DLGAP1: variants seen among roughly 807,000 people sequenced by gnomAD.
The protein encoded by DLGAP1 is disks large-associated protein 1.
A neutral mutation model predicts 90.8 loss-of-function variants in DLGAP1; 11 were observed. That is an observed-to-expected ratio of 0.12 (90% CI 0.08 to 0.20). The LOEUF (loss-of-function observed/expected upper bound fraction) is 0.20. Ranked by LOEUF, DLGAP1 falls within the 10% of genes least tolerant of loss-of-function variation. The pLI is 1.00. For synonymous variants in DLGAP1, 558 were observed against 540.7 expected, an observed-to-expected ratio of 1.03 and a Z score of -0.44; for missense variants, 1,050 against 1,333.8, an observed-to-expected ratio of 0.79 and a Z score of 3.31.
rs541595410 is a variant in DLGAP1, at chr18:3,940,271, T to C, written c.-72-60131A>G. Among the ~76,000 whole-genome samples, 6 of 152,324 alleles carry C rather than the reference T, an allele frequency of 3.9e-5. No homozygotes were observed. The South Asian group carries it at 8.3e-4, about 21-fold the overall frequency. On this transcript the variant is annotated intron_variant, in intron 3 of 12. Transcript: ENST00000315677. ...CTCTAGCCCCAGTCAAGTTTACAGA[T>C]GAGTCCTGCCCACATCTTTACTGTA... is the stretch of plus-strand genomic sequence containing the variant.
Position 3,926,885 on chromosome 18 carries a change from G to A in DLGAP1, c.-72-46745C>T, listed in dbSNP as rs1057442608. Among the ~76,000 whole-genome samples, 7 of 152,172 alleles carry A rather than the reference G, an allele frequency of 4.6e-5. No homozygotes were observed. The South Asian group carries it at 1.5e-3, about 32-fold the overall frequency. ...GGCTGGGGCTGGGGCAACATGAGGTGAGCCTGTAACATGTTATGTCAGAAA... is the reference window on the plus strand; with the variant it reads ...GGCTGGGGCTGGGGCAACATGAGGTAAGCCTGTAACATGTTATGTCAGAAA... On this transcript the variant is annotated intron_variant, in intron 3 of 12. Coordinates refer to ENST00000315677, the MANE Select transcript of DLGAP1 (RefSeq NM_004746.4).
chr18:3,541,723 C>A (rs1310963955), intron 9 of DLGAP1, among the ~76,000 whole-genome samples: 1 of 152,198 alleles, frequency 6.6e-6, no homozygotes, highest in African/African-American at 2.4e-5. Context: ...CCCTTGCGAT[C>A]AAAAGAGATC....
intron 1 of DLGAP1, among the ~76,000 whole-genome samples, chr18:4,244,606 C>T (rs1461891194): frequency 2.6e-5 from 4 of 152,098 alleles, no homozygotes; most frequent in Admixed American, 1.3e-4. Context: ...GGTCATTCTT[C>T]GTTGATTCTA....
chr18:3,706,433 G>A (rs2061434988), intron 7 of DLGAP1, among the ~76,000 whole-genome samples: 1 of 152,178 alleles, frequency 6.6e-6, no homozygotes, highest in Non-Finnish European at 1.5e-5. Context: ...GCATTGATGT[G>A]CTTAATGAGG....
chr18:3,630,212 C>G (rs1310551372), intron 7 of DLGAP1, among the ~76,000 whole-genome samples: 1 of 152,062 alleles, frequency 6.6e-6, no homozygotes, highest in Non-Finnish European at 1.5e-5. Flanking sequence ...AATTGAAGAC[C>G]GGAATAGAAT....
At chr18:3,524,102 C>G (rs573374143) in intron 10 of DLGAP1, among the ~76,000 whole-genome samples, 4 of 152,024 alleles carry the variant, frequency 2.6e-5, no homozygotes, top group African/African-American at 9.7e-5. Context: ...GATCTTGTAT[C>G]CACAAATAAG....
rs985849489 is a variant in DLGAP1 at position 4,342,638 on chromosome 18, A to T, written c.-267+112368T>A. Among the ~76,000 whole-genome samples the T allele has an allele frequency of 6.6e-6, 1 of 152,184 alleles. No individual in the cohort carries two copies. The highest frequency in any genetic ancestry group is 2.4e-5 in the African/African-American group (1 of 41,452). ...ACAAAGAGGGAAATTAGCTCTATTG[A>T]AAATGTATTTGTTTTGGTTTTGGTT... is the stretch of plus-strand genomic sequence containing the variant. On this transcript the variant is annotated intron_variant, in intron 1 of 12. Transcript: ENST00000315677. This position sits in a 1 kb window ranked among gnomAD's most constrained non-coding sequence, Gnocchi z 5.8.
chr18:4,307,317 A>T (rs1190571851), intron 1 of DLGAP1, among the ~76,000 whole-genome samples: 1 of 152,150 alleles, frequency 6.6e-6, no homozygotes, highest in Non-Finnish European at 1.5e-5. Flanking sequence ...TTGCTAGGTG[A>T]CAGACTCCTT....
At chr18:3,957,767 CTA>C (rs1030477646) in intron 3 of DLGAP1, among the ~76,000 whole-genome samples, 76 of 152,168 alleles carry the variant, frequency 5.0e-4, no homozygotes, top group Middle Eastern at 6.8e-3. Context: ...GAAGGAATTT[CTA>C]TCTTAGTCAT....
At chr18:4,003,816 T>C (rs942397788) in intron 3 of DLGAP1, among the ~76,000 whole-genome samples, 9 of 152,214 alleles carry the variant, frequency 5.9e-5, no homozygotes, top group African/African-American at 1.9e-4. Context: ...AAAGGCGCTG[T>C]GTGCGTGTAT....
intron 7 of DLGAP1, among the ~76,000 whole-genome samples, chr18:3,644,719 T>C (rs2059059317): frequency 6.6e-6 from 1 of 152,076 alleles, no homozygotes; most frequent in African/African-American, 2.4e-5. Flanking sequence ...AGCCTATTAT[T>C]TATTTATTAA....
In DLGAP1 at chr18:3,708,427, T is replaced by C. The variant is rs1340882117; in HGVS notation, c.1591+20708A>G. ...TGGGGTGATCTTTACCCATTTTGCC[T>C]GAGTGGTATCAGGGGTGGAGGAGTC... On this transcript the variant is annotated intron_variant, in intron 7 of 12. Coordinates refer to ENST00000315677, the MANE Select transcript of DLGAP1 (RefSeq NM_004746.4). 2.8e-5 allele frequency: 13 copies of C among 456,586 alleles called. 1 individual carries two copies. The highest frequency in any genetic ancestry group is 3.2e-4 in the Middle Eastern group (1 of 3,098). The allele number at this position is 456,586 out of a possible 1,614,324, so 28.3% of individuals were successfully genotyped here.
chr18:3,959,127 A>G (rs1032848978), intron 3 of DLGAP1, among the ~76,000 whole-genome samples: 3 of 152,164 alleles, frequency 2.0e-5, no homozygotes, highest in Non-Finnish European at 4.4e-5. Context: ...TGTCAGTATT[A>G]AATTAGTAGC....
intron 3 of DLGAP1, chr18:3,995,845 T>C (rs1205997429): frequency 6.6e-6 from 1 of 152,114 alleles, no homozygotes; most frequent in African/African-American, 2.4e-5. Flanking sequence ...ATTTATTTAT[T>C]TATCCCAATA....
In DLGAP1 at chr18:4,182,065, C is replaced by T. The variant is rs77506827; in HGVS notation, c.-266-30778G>A. Among the ~76,000 whole-genome samples, 438 of 152,144 alleles carry T rather than the reference C, an allele frequency of 2.9e-3. 1 individual carries two copies. Among genetic ancestry groups the T allele is most frequent in the Non-Finnish European group, 4.3e-3 (289 of 67,992 alleles). ...ATACCCATCTTTCCAAAGCAGGAGTCGGGAAAGACTTGCTGGTAGCTTGAA... is the reference window on the plus strand; with the variant it reads ...ATACCCATCTTTCCAAAGCAGGAGTTGGGAAAGACTTGCTGGTAGCTTGAA... On this transcript the variant is annotated intron_variant, in intron 1 of 12. Transcript: ENST00000315677.
intron 5 of DLGAP1, among the ~76,000 whole-genome samples, chr18:3,752,149 G>T (rs1051211776): frequency 6.6e-6 from 1 of 152,092 alleles, no homozygotes; most frequent in Non-Finnish European, 1.5e-5. Context: ...CTCCCAAAGG[G>T]TTGAGGTTAC....
rs577858840 is a variant in DLGAP1, at chr18:3,767,609, C to T, written c.1173-25097G>A. On this transcript the variant is annotated intron_variant, in intron 5 of 12. Coordinates refer to ENST00000315677, the MANE Select transcript of DLGAP1 (RefSeq NM_004746.4). ...ATTCCACTTTCAGAAATGCAAGGCCCGTTCCATATCTGAACATTAATGTAA... is the reference window on the plus strand; with the variant it reads ...ATTCCACTTTCAGAAATGCAAGGCCTGTTCCATATCTGAACATTAATGTAA... Among the ~76,000 whole-genome samples, 9 of 152,058 alleles carry T rather than the reference C, an allele frequency of 5.9e-5. No homozygotes were observed. The East Asian group carries it at 7.7e-4, about 13-fold the overall frequency.
intron 2 of DLGAP1, among the ~76,000 whole-genome samples, chr18:4,046,960 C>T (rs79498705): frequency 0.034 from 5,243 of 152,204 alleles, 126 homozygotes; most frequent in Middle Eastern, 0.061. Flanking sequence ...AAGACCTGAG[C>T]GAGATGCTAA....
chr18:3,622,711 C>A (rs954041618), intron 7 of DLGAP1, among the ~76,000 whole-genome samples: 6 of 152,190 alleles, frequency 3.9e-5, no homozygotes, highest in Non-Finnish European at 5.9e-5. Flanking sequence ...ACTTGGCTAG[C>A]GGAAAGATAA....
Sources: allele counts gnomAD v4.1 joint callset (sites outside exome capture counted in the v4.1 genomes callset), GRCh38; gene constraint gnomAD v4.1.1; non-coding constraint Gnocchi (gnomAD v3.1); transcripts MANE v1.5; gene names NCBI Gene and HGNC (gene_info 2026-07-23, HGNC 2026-07-21).